CLMP: variants seen among roughly 807,000 people sequenced by gnomAD.
CLMP encodes CXADR-like membrane protein.
CLMP carries 27 observed loss-of-function variants against 45.2 expected under a neutral mutation model. The observed-to-expected ratio is 0.60, with a 90% CI of 0.44 to 0.82. The LOEUF (loss-of-function observed/expected upper bound fraction) is 0.82, where lower values mean the gene tolerates loss of function less well. CLMP is among the 40% of genes least tolerant of loss of function. The pLI is 0.00. For synonymous variants in CLMP, 167 were observed against 171.4 expected, an observed-to-expected ratio of 0.97 and a Z score of 0.20; for missense variants, 403 against 448.4, an observed-to-expected ratio of 0.90 and a Z score of 0.91.
intron 1 of CLMP, among the ~76,000 whole-genome samples, chr11:123,110,313 C>T (rs895299498): frequency 6.6e-6 from 1 of 151,934 alleles, no homozygotes; most frequent in African/African-American, 2.4e-5. Context: ...AATTAGCCGG[C>T]CGTGTTGGCA....
At chr11:123,150,480 A>AAAGGAAGG (rs71057397) in intron 1 of CLMP, among the ~76,000 whole-genome samples, 1,229 of 40,794 alleles carry the variant, frequency 0.03, 71 homozygotes, top group African/African-American at 0.031. Context: ...AGAAAGAAAG[A>AAAGGAAGG]AAGGAAGGAA....
chr11:123,125,429 C>T (rs1035758620), intron 1 of CLMP, among the ~76,000 whole-genome samples: 14 of 150,888 alleles, frequency 9.3e-5, no homozygotes, highest in Admixed American at 6.6e-4. Context: ...ACCGGGGCCA[C>T]GTTCCCCAGC....
At chr11:123,176,523 A>T (rs1329738719) in intron 1 of CLMP, among the ~76,000 whole-genome samples, 1 of 152,168 alleles carries the variant, frequency 6.6e-6, no homozygotes, top group Admixed American at 6.5e-5. Flanking sequence ...GAAGGTTGAG[A>T]CTGAGCCAGT....
chr11:123,138,558 G>A (rs1376415431), intron 1 of CLMP, among the ~76,000 whole-genome samples: 1 of 151,894 alleles, frequency 6.6e-6, no homozygotes, highest in Non-Finnish European at 1.5e-5. Flanking sequence ...TTTTGATGTA[G>A]AGTCCAAATC....
intron 1 of CLMP, among the ~76,000 whole-genome samples, chr11:123,142,942 A>G (rs1434067827): frequency 1.3e-5 from 2 of 152,270 alleles, no homozygotes; most frequent in East Asian, 3.9e-4. Context: ...GTTTCTTAAA[A>G]CAGGCAGTCC....
At chr11:123,177,824 C>A (rs1479007850) in intron 1 of CLMP, among the ~76,000 whole-genome samples, 1 of 151,990 alleles carries the variant, frequency 6.6e-6, no homozygotes, top group African/African-American at 2.4e-5. Flanking sequence ...TAATTATATC[C>A]CAAAAAATCT....
chr11:123,186,531 T>C (rs1861837286), intron 1 of CLMP, among the ~76,000 whole-genome samples: 1 of 151,880 alleles, frequency 6.6e-6, no homozygotes, highest in Non-Finnish European at 1.5e-5. Flanking sequence ...CTTTTTTTTT[T>C]TTTTGAGATG....
chr11:123,118,114 G>A (rs563812680), intron 1 of CLMP, among the ~76,000 whole-genome samples: 2 of 152,134 alleles, frequency 1.3e-5, no homozygotes, highest in South Asian at 2.1e-4. Flanking sequence ...GTATAGGTTC[G>A]CAAAGACTGC....
At chr11:123,170,759 C>G (rs764997024) in intron 1 of CLMP, among the ~76,000 whole-genome samples, 1 of 152,166 alleles carries the variant, frequency 6.6e-6, no homozygotes, top group Non-Finnish European at 1.5e-5. Flanking sequence ...CTTTTTCTTG[C>G]TGCTGTGAGG....
chr11:123,147,681 G>A (rs974267909), intron 1 of CLMP, among the ~76,000 whole-genome samples: 5 of 152,216 alleles, frequency 3.3e-5, no homozygotes, highest in Non-Finnish European at 7.3e-5. Context: ...TGCCTGCAGG[G>A]TCAGGACCAT....
At chr11:123,105,453 T>C (rs540874139) in intron 1 of CLMP, among the ~76,000 whole-genome samples, 118 of 149,954 alleles carry the variant, frequency 7.9e-4, no homozygotes, top group Middle Eastern at 3.2e-3. Context: ...TTTTTTGAGA[T>C]GGAGTCTTGC....
chr11:123,100,645 G>C (rs1281441011), intron 1 of CLMP, among the ~76,000 whole-genome samples: 1 of 152,054 alleles, frequency 6.6e-6, no homozygotes. Context: ...ACCCTCAGTT[G>C]TTGTGTTAGA....
At chr11:123,119,186 C>G (rs1029807657) in intron 1 of CLMP, among the ~76,000 whole-genome samples, 1 of 151,452 alleles carries the variant, frequency 6.6e-6, no homozygotes, top group East Asian at 1.9e-4. Flanking sequence ...CGGGATCAAG[C>G]GATTCCCCTG....
intron 1 of CLMP, among the ~76,000 whole-genome samples, chr11:123,164,427 C>T (rs929235604): frequency 6.6e-6 from 1 of 152,188 alleles, no homozygotes; most frequent in African/African-American, 2.4e-5. Context: ...CCCTAGCCTC[C>T]CCAGTAGCTG....
intron 1 of CLMP, among the ~76,000 whole-genome samples, chr11:123,117,782 GATA>G (rs1311625971): frequency 6.6e-6 from 1 of 152,146 alleles, no homozygotes; most frequent in Non-Finnish European, 1.5e-5. Context: ...GTGCCACCCT[GATA>G]ATAAATTTTC....
intron 1 of CLMP, among the ~76,000 whole-genome samples, chr11:123,142,811 A>G (rs1861182580): frequency 6.7e-6 from 1 of 148,562 alleles, no homozygotes; most frequent in Admixed American, 6.7e-5. Context: ...TATTTTTAGT[A>G]GAGACGGGGT....
chr11:123,149,181 C>A (rs531807849), intron 1 of CLMP, among the ~76,000 whole-genome samples: 1 of 152,168 alleles, frequency 6.6e-6, no homozygotes, highest in African/African-American at 2.4e-5. Context: ...GCCCACTGAG[C>A]CATGCTAAGA....
At chr11:123,161,346 G>A (rs889770345) in intron 1 of CLMP, among the ~76,000 whole-genome samples, 1 of 152,104 alleles carries the variant, frequency 6.6e-6, no homozygotes, top group Non-Finnish European at 1.5e-5. Context: ...GCCTGCATGT[G>A]AGAAGCACTG....
intron 1 of CLMP, among the ~76,000 whole-genome samples, chr11:123,177,562 C>T (rs547682191): frequency 8.5e-5 from 13 of 152,126 alleles, no homozygotes; most frequent in Non-Finnish European, 1.5e-4. Context: ...GGATTCTGGG[C>T]CTCAAGATCA....
Sources: gnomAD v4.1 joint callset for allele counts (sites outside exome capture counted in the v4.1 genomes callset) on GRCh38, gnomAD v4.1.1 for gene constraint, MANE v1.5 for transcripts, NCBI Gene and HGNC (gene_info 2026-07-23, HGNC 2026-07-21) for gene names.